TTN: variants seen among roughly 807,000 people sequenced by gnomAD.
The protein encoded by TTN is titin.
In TTN, 1,525 loss-of-function variants were observed where a neutral mutation model predicts 3,223.0. That is an observed-to-expected ratio of 0.47 (90% confidence interval 0.45 to 0.49). TTN has a LOEUF of 0.49. TTN is among the 20% of genes least tolerant of loss of function. The pLI, the probability that TTN is intolerant of heterozygous loss-of-function variation, is 0.00. For missense variants in TTN, 40,786 were observed against 43,424.0 expected, an observed-to-expected ratio of 0.94 and a Z score of 5.40; for synonymous variants, 14,094 against 15,161.0, an observed-to-expected ratio of 0.93 and a Z score of 5.17.
intron 47 of TTN, chr2:178,747,626 T>C (rs781666917): frequency 6.2e-7 from 1 of 1,613,330 alleles, no homozygotes; most frequent in Non-Finnish European, 8.5e-7. Context: ...CTTTGCCTGG[T>C]CTCTGGTGTC....
In TTN at chr2:178,551,682, G is replaced by A. The variant is rs749651870; in HGVS notation, c.91218C>T (p.Gly30406=). The change falls in exon 335 of 363, where the codon GGC becomes GGT. Residue 30406 remains glycine (G), a synonymous_variant. Transcript: ENST00000589042. ...TGCTTGGGTCACTAGGTGAGCTTAGGCCAGCAGAATTTTCAGCATATACAC... is the reference window on the plus strand; with the variant it reads ...TGCTTGGGTCACTAGGTGAGCTTAGACCAGCAGAATTTTCAGCATATACAC... ...QFRVYAENSA[G]LSSPSDPSKF... is the part of the protein sequence containing the mutation. The A allele has an allele frequency of 9.3e-6, 15 of 1,611,554 alleles. No homozygotes were observed. The highest frequency in any genetic ancestry group is 1.7e-5 in the Admixed American group (1 of 59,870).
In TTN at chr2:178,540,268, G is replaced by C. The variant is rs879182102; in HGVS notation, c.97898C>G (p.Thr32633Arg). ...VPEDEGGSKVTGYLIEMQKVD... is the reference protein window; with the variant it reads ...VPEDEGGSKVRGYLIEMQKVD... The stretch of plus-strand genomic sequence containing the variant: ...TTTTTGCATTTCAATCAAGTAGCCT[G>C]TGACTTTAGATCCTCCTTCATCTTC... The change falls in exon 351 of 363, where the codon ACA (threonine) becomes AGA (arginine). Residue 32633 changes from threonine (T) to arginine (R), a missense_variant. By Grantham distance (71) the Thr-to-Arg change is moderately conservative. Transcript: ENST00000589042. 2 of 1,613,840 alleles carry C rather than the reference G, an allele frequency of 1.2e-6. No individual in the cohort carries two copies. Among genetic ancestry groups the C allele is most frequent in the Non-Finnish European group, 1.7e-6 (2 of 1,179,786 alleles).
chr2:178,541,268 C>T lies in TTN; in HGVS notation c.97795+14G>A. The T allele has an allele frequency of 1.4e-6, 2 of 1,469,768 alleles. No homozygotes were observed. The highest frequency in any genetic ancestry group is 5.0e-5 in the East Asian group (2 of 39,874). 91.0% of individuals were successfully genotyped at this position (1,469,768 alleles called of 1,614,324 possible). ...TGTAACTCAATCAATTTGACTGATACAAAATGTCCTTACCAATTGGATCCA... is the reference window on the plus strand; with the variant it reads ...TGTAACTCAATCAATTTGACTGATATAAAATGTCCTTACCAATTGGATCCA... On this transcript the variant is annotated intron_variant, in intron 350 of 362. Transcript: ENST00000589042.
Position 178,629,348 on chromosome 2 carries a change from G to C in TTN, c.44377C>G (p.Pro14793Ala), listed in dbSNP as rs1401276737. 2 of 1,612,726 alleles carry C rather than the reference G, an allele frequency of 1.2e-6. No individual in the cohort carries two copies. The highest frequency in any genetic ancestry group is 2.7e-5 in the African/African-American group (2 of 74,860). ...FDCELSYEDI[P>A]VEWYLKGKKL... The stretch of plus-strand genomic sequence containing the variant: ...TTCCCTTTGAGATACCATTCCACTG[G>C]GATATCTTCGTAGGAGAGCTCGCAG... The change falls in exon 240 of 363, where the codon CCA becomes GCA. Residue 14793 changes from proline (P) to alanine (A), a missense_variant. Pro to Ala is a conservative substitution (Grantham distance 27). Transcript: ENST00000589042.
Position 178,590,085 on chromosome 2 carries a change from T to G in TTN, c.61640A>C (p.Tyr20547Ser). The G allele has an allele frequency of 6.2e-7, 1 of 1,613,280 alleles. No homozygotes were observed. Among genetic ancestry groups the G allele is most frequent in the Non-Finnish European group, 8.5e-7 (1 of 1,179,502 alleles). The stretch of plus-strand genomic sequence containing the variant: ...ACTGCTGTTCTTAGCTGAGATGATA[T>G]ACTTGCCATGATCAGCTCTAACAGC... ...KEAVRADHGK[Y>S]IISAKNSSGH... The change falls in exon 304 of 363, where the codon TAT becomes TCT. Residue 20547 changes from tyrosine (Y) to serine (S), a missense_variant. By Grantham distance (144) the Tyr-to-Ser change is moderately radical (BLOSUM62 -2). Transcript: ENST00000589042.
intron 327 of TTN, 43 bp from the exon 328 acceptor site, chr2:178,558,278 G>T (rs1259281540): frequency 1.9e-6 from 3 of 1,589,176 alleles, no homozygotes; most frequent in South Asian, 1.2e-5. Flanking sequence ...AAGTGTTTCT[G>T]AAAATTAACA....
In TTN at chr2:178,673,615, A is replaced by C; in HGVS notation, c.34786+18T>G. The C allele has an allele frequency of 6.5e-7, 1 of 1,532,012 alleles. No homozygotes were observed. Among genetic ancestry groups the C allele is most frequent in the Non-Finnish European group, 8.7e-7 (1 of 1,144,978 alleles). 94.9% of individuals were successfully genotyped at this position (1,532,012 alleles called of 1,614,324 possible). On this transcript the variant is annotated intron_variant, in intron 152 of 362. Coordinates refer to ENST00000589042, the MANE Select transcript of TTN (RefSeq NM_001267550.2). The stretch of plus-strand genomic sequence containing the variant: ...TTAATGGGAAGTTAAAGATATTAAT[A>C]ATGAGGATTTGATATACCTTTAGCT...
rs727503594 is a variant in TTN at position 178,598,810 on chromosome 2, T to C, written c.56900A>G (p.Asn18967Ser). 7 of 1,613,282 alleles carry C rather than the reference T, an allele frequency of 4.3e-6. No homozygotes were observed. Among genetic ancestry groups the C allele is most frequent in the African/African-American group, 2.7e-5 (2 of 74,880 alleles). Residue 18967 changes from asparagine (N) to serine (S), a missense_variant, in exon 291 of 363, where the codon AAT becomes AGT. Physicochemically the swap from Asn to Ser is conservative, Grantham distance 46. Transcript: ENST00000589042. ...SDYQFRVYAI[N>S]AAGVGPASLP... Reference sequence around the variant, plus strand: ...ACTTGCTGGACCCACGCCAGCAGCATTGATTGCATATACCCGGAATTGATA... The same window carrying C: ...ACTTGCTGGACCCACGCCAGCAGCACTGATTGCATATACCCGGAATTGATA...
intron 104 of TTN, 50 bp from the exon 105 acceptor site, chr2:178,704,827 A>G: frequency 1.9e-6 from 3 of 1,609,246 alleles, no homozygotes; most frequent in Non-Finnish European, 2.5e-6. Context: ...CCCTTATAAT[A>G]ATACTCAATA....
At chr2:178,674,754 C>T (rs752160825) in intron 150 of TTN, among the ~76,000 whole-genome samples, 5 of 151,442 alleles carry the variant, frequency 3.3e-5, no homozygotes, top group African/African-American at 4.8e-5. Context: ...TTACAGTTGC[C>T]TACTAAGTCA....
chr2:178,618,938 A>G, intron 250 of TTN, 85 bp from the exon 251 acceptor site: 1 of 1,506,684 alleles, frequency 6.6e-7, no homozygotes, highest in Non-Finnish European at 8.8e-7. Context: ...ATTAGAAAAT[A>G]TTGGTTACAT....
Position 178,651,952 on chromosome 2 carries a change from T to A in TTN, c.39311A>T (p.Glu13104Val). ...SPPPEVFEEPEEVALEEPPAE... is the reference protein window; with the variant it reads ...SPPPEVFEEPVEVALEEPPAE... The stretch of plus-strand genomic sequence containing the variant: ...AGGAGGCTCTTCTAGGGCAACTTCC[T>A]CAGGCTCCTCGAACACTTTAAAGAC... The change falls in exon 205 of 363, where the codon GAG becomes GTG. Residue 13104 changes from glutamate (E) to valine (V), a missense_variant. Physicochemically the swap from Glu to Val is moderately radical, Grantham distance 121 (BLOSUM62 -2). Transcript: ENST00000589042. 6.2e-7 allele frequency: 1 copy of A among 1,610,596 alleles called. No homozygotes were observed. The highest frequency in any genetic ancestry group is 1.1e-5 in the South Asian group (1 of 90,508).
intron 294 of TTN, among the ~76,000 whole-genome samples, chr2:178,597,276 C>T (rs1197469066): frequency 6.6e-6 from 1 of 152,072 alleles, no homozygotes; most frequent in African/African-American, 2.4e-5. Flanking sequence ...TTTAGGTTCA[C>T]TGGAAACATG....
In TTN at chr2:178,549,450, G is replaced by C. The variant is rs72648247; in HGVS notation, c.92176C>G (p.Pro30726Ala). ...QYTVPDAPGI[P>A]EPSNITGNSI... ...TTGCCTGTTATGTTGCTAGGTTCTG[G>C]AATGCCAGGGGCATCAGGAACAGCT... The change falls in exon 339 of 363, where the codon CCA becomes GCA. Residue 30726 changes from proline (P) to alanine (A), a missense_variant. Transcript: ENST00000589042. 17 of 1,607,004 alleles carry C rather than the reference G, an allele frequency of 1.1e-5. 1 individual carries two copies. In the South Asian group the frequency reaches 1.8e-4, roughly 17 times the overall value.
At position 178,566,788 on chromosome 2, in the gene TTN, C is replaced by G. The variant is rs369875680; in HGVS notation, c.79344G>C (p.Val26448=). ...KRRITDLRLR[V]TGLTEDHEYE... ...ACTCATGATCTTCTGTTAATCCTGT[C>G]ACTCTTAGACGCAAATCTGTAATGC... The change falls in exon 326 of 363, where the codon GTG becomes GTC. Residue 26448 remains valine (V), a synonymous_variant. Coordinates refer to ENST00000589042, the MANE Select transcript of TTN (RefSeq NM_001267550.2). 6.2e-7 allele frequency: 1 copy of G among 1,613,364 alleles called. No homozygotes were observed. The highest frequency in any genetic ancestry group is 1.3e-5 in the African/African-American group (1 of 75,024).
intron 47 of TTN, among the ~76,000 whole-genome samples, chr2:178,743,248 G>A (rs11902672): frequency 6.6e-6 from 1 of 151,878 alleles, no homozygotes; most frequent in African/African-American, 2.4e-5. Context: ...AACTTGAAAG[G>A]CATAGTTTAA....
Position 178,616,582 on chromosome 2 carries a change from T to G in TTN, c.48209A>C (p.Asp16070Ala), listed in dbSNP as rs2057384107. Residue 16070 changes from aspartate to alanine, a missense_variant, in exon 257 of 363, where the codon GAC (aspartate) becomes GCC (alanine). Physicochemically the swap from Asp to Ala is moderately radical, Grantham distance 126. Transcript: ENST00000589042. ...KELKFGDITKDSVHLTWEPPD... is the reference protein window; with the variant it reads ...KELKFGDITKASVHLTWEPPD... ...TGGTTCCCAAGTCAAATGTACTGAG[T>G]CCTTGGTTATATCACCAAATTTCAA... 2 of 1,612,204 alleles carry G rather than the reference T, an allele frequency of 1.2e-6. No homozygotes were observed. The highest frequency in any genetic ancestry group is 1.7e-5 in the Admixed American group (1 of 59,870).
intron 270 of TTN, 28 bp downstream of exon 270, chr2:178,610,965 G>A: frequency 6.2e-7 from 1 of 1,608,452 alleles, no homozygotes; most frequent in African/African-American, 1.3e-5. Flanking sequence ...TGTGAAGAAT[G>A]TCTGGTTTTT....
Position 178,550,129 on chromosome 2 carries a change from C to G in TTN, c.91709G>C (p.Arg30570Thr). Residue 30570 changes from arginine to threonine, a missense_variant, in exon 337 of 363, where the codon AGG becomes ACG. Coordinates refer to ENST00000589042, the MANE Select transcript of TTN (RefSeq NM_001267550.2). The part of the protein sequence containing the change: ...WFKDGVEIEK[R>T]MNMEITDVLG... ...TACGTCGGTTATTTCCATATTCATC[C>G]TCTTTTCGATTTCCACTCCATCTTT... 1 of 1,613,742 alleles carries G rather than the reference C, an allele frequency of 6.2e-7. No individual in the cohort carries two copies. The highest frequency in any genetic ancestry group is 1.1e-5 in the South Asian group (1 of 91,066).
Sources: allele counts gnomAD v4.1 joint callset (sites outside exome capture counted in the v4.1 genomes callset), GRCh38; gene constraint gnomAD v4.1.1; transcripts MANE v1.5; gene names NCBI Gene and HGNC (gene_info 2026-07-23, HGNC 2026-07-21).